Variants in PTGR3 observed in about 807,000 individuals in gnomAD.
The protein encoded by PTGR3 is zinc binding alcohol dehydrogenase domain containing 2.
chr18:75,209,045 A>C, the PTGR3 span: 153 of 1,545,536 alleles, frequency 9.9e-5, no homozygotes, highest in East Asian at 8.0e-4. The surrounding 1 kb of genome is among the most constrained non-coding windows in gnomAD (Gnocchi z 4.7). Flanking sequence ...CCCGGTGGGC[A>C]CCAGCCGCAG....
the PTGR3 span, chr18:75,197,646 T>G: frequency 6.6e-6 from 1 of 152,216 alleles, no homozygotes; most frequent in Non-Finnish European, 1.5e-5. Context: ...ACTTCTGAAA[T>G]ATGATCATAA....
At chr18:75,205,990 A>G in the PTGR3 span, among the ~76,000 whole-genome samples, 1,181 of 152,308 alleles carry the variant, frequency 7.8e-3, 15 homozygotes, top group African/African-American at 0.026. Flanking sequence ...TTTGGAAACG[A>G]AATAATCTGT....
At chr18:75,201,412 G>C in the PTGR3 span, 19 of 1,602,724 alleles carry the variant, frequency 1.2e-5, no homozygotes, top group African/African-American at 1.3e-5. Context: ...TCATTGTTCT[G>C]TTTTTACAGC....
the PTGR3 span, among the ~76,000 whole-genome samples, chr18:75,207,250 G>A: frequency 6.6e-6 from 1 of 152,170 alleles, no homozygotes; most frequent in Non-Finnish European, 1.5e-5. Flanking sequence ...ATTTCCAAAA[G>A]GAATTTTATT....
At chr18:75,208,805 CCGGGGCGAGAA>C in the PTGR3 span, 6 of 1,382,018 alleles carry the variant, frequency 4.3e-6, no homozygotes, top group Non-Finnish European at 5.7e-6. Context: ...CGGCGCGAGC[CCGGGGCGAGAA>C]CGGGGGCGTG....
the PTGR3 span, chr18:75,205,377 A>AC: frequency 4.8e-5 from 41 of 860,096 alleles, no homozygotes; most frequent in South Asian, 5.2e-5. Flanking sequence ...TTGTACCCCC[A>AC]CCCCCCCTTT....
chr18:75,195,377 T>G, the PTGR3 span: 1 of 152,190 alleles, frequency 6.6e-6, no homozygotes, highest in Admixed American at 6.5e-5. Context: ...AAAGGCCAAT[T>G]GCTGTTCTTC....
the PTGR3 span, chr18:75,205,563 C>T: frequency 1.1e-6 from 1 of 874,484 alleles, no homozygotes; most frequent in Non-Finnish European, 1.4e-6. Flanking sequence ...AGTGCTAAAC[C>T]CCCTCGTCAT....
the PTGR3 span, chr18:75,201,114 A>T: frequency 2.8e-6 from 1 of 353,544 alleles, no homozygotes; most frequent in South Asian, 4.9e-5. Context: ...CAGATCTGGC[A>T]TCAGGAATGA....
chr18:75,203,050 A>G, the PTGR3 span, among the ~76,000 whole-genome samples: 1 of 152,232 alleles, frequency 6.6e-6, no homozygotes, highest in African/African-American at 2.4e-5. Context: ...AGCGATTTTT[A>G]TGAAACATTC....
At chr18:75,205,584 A>C in the PTGR3 span, 23 of 733,490 alleles carry the variant, frequency 3.1e-5, no homozygotes, top group Non-Finnish European at 3.8e-5. Context: ...GTTTACTGAG[A>C]AACAGAGCGA....
the PTGR3 span, chr18:75,198,104 C>T: frequency 4.9e-4 from 75 of 152,212 alleles, no homozygotes; most frequent in African/African-American, 1.7e-3. Flanking sequence ...GGGGTTAAAA[C>T]ATTACCCAGG....
At chr18:75,203,679 C>T in the PTGR3 span, among the ~76,000 whole-genome samples, 5 of 152,192 alleles carry the variant, frequency 3.3e-5, no homozygotes, top group Non-Finnish European at 5.9e-5. Flanking sequence ...GATACACAAT[C>T]ATGAGAAGGG....
the PTGR3 span, chr18:75,196,632 CAAAAAAAAAAAAAA>C: frequency 4.2e-5 from 3 of 72,206 alleles, no homozygotes; most frequent in African/African-American, 1.8e-4. Flanking sequence ...GGTCTTGTCC[CAAAAAAAAAAAAAA>C]AAAAAAAAAA....
the PTGR3 span, chr18:75,205,129 A>G: frequency 1.0e-6 from 1 of 983,416 alleles, no homozygotes; most frequent in African/African-American, 1.7e-5. Flanking sequence ...CCCTGCTTTG[A>G]CGCGGCTTCG....
At chr18:75,204,030 G>T in the PTGR3 span, among the ~76,000 whole-genome samples, 1 of 152,244 alleles carries the variant, frequency 6.6e-6, no homozygotes, top group African/African-American at 2.4e-5. Context: ...CCCACTGCCA[G>T]TTGTGTTCTG....
At chr18:75,205,009 C>T in the PTGR3 span, among the ~76,000 whole-genome samples, 4 of 152,216 alleles carry the variant, frequency 2.6e-5, no homozygotes, top group Non-Finnish European at 5.9e-5. Context: ...GTGAAGGAGG[C>T]TTAGGCTGGC....
the PTGR3 span, chr18:75,197,846 G>A: frequency 2.0e-5 from 3 of 152,166 alleles, no homozygotes; most frequent in Non-Finnish European, 4.4e-5. Context: ...ATTGTATTCA[G>A]AAAACTTGTT....
the PTGR3 span, chr18:75,209,076 G>C: frequency 6.7e-7 from 1 of 1,488,894 alleles, no homozygotes; most frequent in Non-Finnish European, 8.9e-7. This position sits in a 1 kb window ranked among gnomAD's most constrained non-coding sequence, Gnocchi z 4.7. Flanking sequence ...GCCTCCGCCC[G>C]CTCTCTGCGC....
Sources: allele counts gnomAD v4.1 joint callset (sites outside exome capture counted in the v4.1 genomes callset), GRCh38; gene constraint gnomAD v4.1.1; non-coding constraint Gnocchi (gnomAD v3.1); transcripts MANE v1.5; gene names NCBI Gene and HGNC (gene_info 2026-07-23, HGNC 2026-07-21).